RAVER2: variants seen among roughly 807,000 people sequenced by gnomAD.
The protein encoded by RAVER2 is ribonucleoprotein PTB-binding 2.
RAVER2 carries 46 observed loss-of-function variants against 78.1 expected under a neutral mutation model. The ratio of observed to expected loss-of-function variants is 0.59; its 90% CI spans 0.46 to 0.75. The LOEUF is 0.75. RAVER2 is among the 30% of genes least tolerant of loss of function. The probability of loss-of-function intolerance (pLI) is 0.00; values close to 1 mark genes in which losing one functional copy is unlikely to be tolerated. For synonymous variants in RAVER2, 311 were observed against 313.3 expected, an observed-to-expected ratio of 0.99 and a Z score of 0.08; for missense variants, 793 against 837.5, an observed-to-expected ratio of 0.95 and a Z score of 0.66.
At chr1:64,822,375 A>G (rs751462381) in intron 11 of RAVER2, among the ~76,000 whole-genome samples, 8 of 152,362 alleles carry the variant, frequency 5.3e-5, no homozygotes, top group African/African-American at 1.9e-4. Flanking sequence ...TCAAATATAA[A>G]TTCTTGATTT....
At chr1:64,757,032 G>C (rs1362893292) in intron 1 of RAVER2, among the ~76,000 whole-genome samples, 1 of 152,180 alleles carries the variant, frequency 6.6e-6, no homozygotes, top group African/African-American at 2.4e-5. Context: ...TTGCTTAAGG[G>C]GATGTCTGCT....
chr1:64,764,594 A>G (rs1170200402), intron 1 of RAVER2, among the ~76,000 whole-genome samples: 2 of 152,226 alleles, frequency 1.3e-5, no homozygotes, highest in Non-Finnish European at 2.9e-5. Context: ...CCAAAATCCC[A>G]CAAATAAACA....
intron 5 of RAVER2, among the ~76,000 whole-genome samples, chr1:64,794,409 A>C (rs183069819): frequency 5.3e-5 from 8 of 151,384 alleles, no homozygotes; most frequent in Admixed American, 1.3e-4. Flanking sequence ...AAAAAAAAAA[A>C]AAAAAAAACT....
chr1:64,809,286 T>A (rs78913020), intron 9 of RAVER2, among the ~76,000 whole-genome samples: 11,325 of 152,128 alleles, frequency 0.074, 574 homozygotes, highest in Non-Finnish European at 0.1. Flanking sequence ...CTGTAAAGGA[T>A]GTTGTATTAA....
chr1:64,790,321 A>AT (rs1652901212), intron 5 of RAVER2, among the ~76,000 whole-genome samples: 1 of 152,180 alleles, frequency 6.6e-6, no homozygotes, highest in Admixed American at 6.5e-5. Flanking sequence ...TTGGCTATGA[A>AT]TTACCCCTCT....
chr1:64,778,740 G>A (rs571220261), intron 3 of RAVER2, among the ~76,000 whole-genome samples: 1 of 148,990 alleles, frequency 6.7e-6, no homozygotes, highest in East Asian at 1.9e-4. Context: ...TCCTTACAGA[G>A]TTTTGATAGC....
chr1:64,814,901 C>A, intron 11 of RAVER2, 61 bp downstream of exon 11: 4 of 1,327,262 alleles, frequency 3.0e-6, no homozygotes, highest in Non-Finnish European at 4.0e-6. Flanking sequence ...ATATTGAGTT[C>A]ACTGAATATG....
intron 1 of RAVER2, among the ~76,000 whole-genome samples, chr1:64,762,488 C>T (rs949048051): frequency 6.6e-6 from 1 of 151,110 alleles, no homozygotes; most frequent in Non-Finnish European, 1.5e-5. Flanking sequence ...ACTTGGAAGA[C>T]TTACACTACC....
exon 12 of RAVER2, chr1:64,832,710 G>C (rs977668193): frequency 2.6e-5 from 4 of 152,152 alleles, no homozygotes; most frequent in African/African-American, 4.8e-5. Flanking sequence ...CTGACAGCTA[G>C]AAAGTTTAAG....
chr1:64,809,274 A>T (rs986294279), intron 9 of RAVER2, among the ~76,000 whole-genome samples: 1 of 152,192 alleles, frequency 6.6e-6, no homozygotes, highest in African/African-American at 2.4e-5. Flanking sequence ...CCAGGCAAGC[A>T]TCTGTAAAGG....
chr1:64,751,555 T>G (rs1651698846), intron 1 of RAVER2, among the ~76,000 whole-genome samples: 1 of 152,194 alleles, frequency 6.6e-6, no homozygotes, highest in South Asian at 2.1e-4. Flanking sequence ...GCACTTATTC[T>G]TCTTTCCTTA....
intron 11 of RAVER2, among the ~76,000 whole-genome samples, chr1:64,822,967 A>C (rs1308975171): frequency 6.6e-6 from 1 of 152,222 alleles, no homozygotes. Context: ...TATATGAAAT[A>C]TCCAGAATAG....
chr1:64,815,308 A>G (rs576205672), intron 11 of RAVER2: 1 of 152,338 alleles, frequency 6.6e-6, no homozygotes, highest in African/African-American at 2.4e-5. Context: ...AAGAAACCCA[A>G]GGGAATGCCT....
At chr1:64,832,587 G>A (rs1053208476) in exon 12 of RAVER2, 1 of 152,162 alleles carries the variant, frequency 6.6e-6, no homozygotes, top group Non-Finnish European at 1.5e-5. Flanking sequence ...TAACTATGAT[G>A]TGGATATCCT....
intron 11 of RAVER2, among the ~76,000 whole-genome samples, chr1:64,824,857 G>C (rs1015237880): frequency 6.7e-6 from 1 of 149,842 alleles, no homozygotes; most frequent in Non-Finnish European, 1.5e-5. Flanking sequence ...CTTGAGCCCG[G>C]GAGGCAGAGG....
rs1651511093 is a variant in RAVER2 at position 64,745,709 on chromosome 1, C to T, written c.249+288C>T. ...CAAGTTCGGCCCGGTCTTTCCTTCC[C>T]CTACGGCCGTAGAGGAGTAGGAGGT... On this transcript the variant is annotated intron_variant, in intron 1 of 11. Transcript: ENST00000294428. This position sits in a 1 kb window ranked among gnomAD's most constrained non-coding sequence, Gnocchi z 4.3. Among the ~76,000 whole-genome samples the T allele has an allele frequency of 6.6e-6, 1 of 151,974 alleles. No homozygotes were observed. The highest frequency in any genetic ancestry group is 1.5e-5 in the Non-Finnish European group (1 of 67,976).
intron 5 of RAVER2, among the ~76,000 whole-genome samples, chr1:64,800,837 C>T (rs1027351465): frequency 6.6e-6 from 1 of 152,018 alleles, no homozygotes; most frequent in African/African-American, 2.4e-5. Flanking sequence ...TAAATAGTTT[C>T]CTGTGATTAT....
chr1:64,763,883 A>C (rs2100817225), intron 1 of RAVER2, among the ~76,000 whole-genome samples: 1 of 150,908 alleles, frequency 6.6e-6, no homozygotes, highest in South Asian at 2.1e-4. Flanking sequence ...AGCCTGGACG[A>C]CAAGAGTGAA....
chr1:64,829,176 A>C (rs1022031177), intron 11 of RAVER2, among the ~76,000 whole-genome samples: 4 of 152,238 alleles, frequency 2.6e-5, no homozygotes, highest in Non-Finnish European at 5.9e-5. Context: ...ATGGTATAGA[A>C]AGACAGAAAC....
Sources: allele counts gnomAD v4.1 joint callset (sites outside exome capture counted in the v4.1 genomes callset), GRCh38; gene constraint gnomAD v4.1.1; non-coding constraint Gnocchi (gnomAD v3.1); transcripts MANE v1.5; gene names NCBI Gene and HGNC (gene_info 2026-07-23, HGNC 2026-07-21).